The following TRABD2B variants were observed in gnomAD, a reference collection of about 807,000 sequenced individuals.
The protein encoded by TRABD2B is TraB domain containing 2B.
A neutral mutation model predicts 40.1 loss-of-function variants in TRABD2B; 14 were observed. The ratio of observed to expected loss-of-function variants is 0.35; its 90% CI spans 0.23 to 0.55. TRABD2B has a LOEUF of 0.55. Among genes scored for constraint, TRABD2B ranks in the 20% least tolerant of loss-of-function variants. The pLI is 0.90. For synonymous variants in TRABD2B, 263 were observed against 277.0 expected, an observed-to-expected ratio of 0.95 and a Z score of 0.50; for missense variants, 541 against 648.6, an observed-to-expected ratio of 0.83 and a Z score of 1.80.
chr1:47,798,174 G>A (rs924559349), intron 3 of TRABD2B, among the ~76,000 whole-genome samples: 2 of 152,162 alleles, frequency 1.3e-5, no homozygotes, highest in Admixed American at 6.5e-5. Context: ...ATGGATATGC[G>A]CTTTGAGAGG....
At chr1:47,856,555 G>C (rs1643892215) in intron 2 of TRABD2B, among the ~76,000 whole-genome samples, 1 of 152,198 alleles carries the variant, frequency 6.6e-6, no homozygotes, top group South Asian at 2.1e-4. Context: ...GACCAGCTTT[G>C]CCATCGTAGG....
chr1:47,799,965 G>A (rs558682280), intron 3 of TRABD2B, among the ~76,000 whole-genome samples: 12 of 152,232 alleles, frequency 7.9e-5, no homozygotes, highest in African/African-American at 2.6e-4. Flanking sequence ...GTGACTGTAA[G>A]CCCCTTTTCA....
chr1:47,821,138 C>T (rs548928638), intron 2 of TRABD2B, among the ~76,000 whole-genome samples: 2 of 152,304 alleles, frequency 1.3e-5, no homozygotes, highest in South Asian at 4.1e-4. Context: ...CTGTTTCTCC[C>T]AGTAGTGTTC....
At chr1:47,872,320 T>C (rs1557627136) in intron 2 of TRABD2B, among the ~76,000 whole-genome samples, 1 of 152,184 alleles carries the variant, frequency 6.6e-6, no homozygotes, top group Non-Finnish European at 1.5e-5. Context: ...TCAGATGACC[T>C]TGAGCAGGCT....
intron 2 of TRABD2B, among the ~76,000 whole-genome samples, chr1:47,922,323 C>G (rs1644913957): frequency 6.6e-6 from 1 of 152,194 alleles, no homozygotes; most frequent in Admixed American, 6.5e-5. Flanking sequence ...AAGAGCACGA[C>G]TGAGTGGGTG....
In TRABD2B at chr1:47,950,332, T is replaced by C. The variant is rs1645324704; in HGVS notation, c.666+43702A>G. The stretch of plus-strand genomic sequence containing the variant: ...AAAAAGAAAGAAGAGAGAGGTAAGG[T>C]GTTCAGAAGCATGGGCAGCAGGAAA... On this transcript the variant is annotated intron_variant, in intron 2 of 6. Transcript: ENST00000606738. 2.0e-5 allele frequency among the ~76,000 whole-genome samples: 3 copies of C among 151,446 alleles called. No homozygotes were observed. The South Asian group carries it at 6.3e-4, about 32-fold the overall frequency.
chr1:47,830,619 C>T (rs1426736321), intron 2 of TRABD2B, among the ~76,000 whole-genome samples: 1 of 152,192 alleles, frequency 6.6e-6, no homozygotes, highest in Non-Finnish European at 1.5e-5. Flanking sequence ...GTACAAAGCT[C>T]TAGTCAGACA....
chr1:47,993,452 T>G (rs1024203403), intron 2 of TRABD2B, among the ~76,000 whole-genome samples: 2 of 152,218 alleles, frequency 1.3e-5, no homozygotes, highest in African/African-American at 4.8e-5. Context: ...AAAACTCTCC[T>G]GGCTGACTTT....
At chr1:47,843,913 A>T (rs572789445) in intron 2 of TRABD2B, among the ~76,000 whole-genome samples, 2 of 152,252 alleles carry the variant, frequency 1.3e-5, no homozygotes, top group East Asian at 3.9e-4. Flanking sequence ...TCTTTTTGGA[A>T]ATGGAATGGC....
chr1:47,955,619 T>C (rs1570361108), intron 2 of TRABD2B, among the ~76,000 whole-genome samples: 1 of 152,146 alleles, frequency 6.6e-6, no homozygotes. Flanking sequence ...GAATCTCCCC[T>C]TGATTCCTTC....
At chr1:47,846,964 T>C (rs551826011) in intron 2 of TRABD2B, among the ~76,000 whole-genome samples, 18 of 151,494 alleles carry the variant, frequency 1.2e-4, no homozygotes, top group Admixed American at 9.9e-4. Flanking sequence ...CTGCGGGAGA[T>C]AGGAGTGTCC....
At position 47,997,267 on chromosome 1, in the gene TRABD2B, G is replaced by C. The variant is rs1313863761; in HGVS notation, c.-478C>G. The C allele has an allele frequency of 3.6e-5, 35 of 972,146 alleles. No homozygotes were observed. The South Asian group carries it at 1.5e-3, about 42-fold the overall frequency. The allele number at this position is 972,146 out of a possible 1,614,324, so 60.2% of individuals were successfully genotyped here. On this transcript the variant is annotated 5_prime_UTR_variant, in exon 1 of 7. Transcript: ENST00000606738. ...TGCGGCGGAAGGCGCGGCAGGGGTG[G>C]GGGGCGGCTCTGGGGCGACCGGCTG...
intron 2 of TRABD2B, among the ~76,000 whole-genome samples, chr1:47,943,643 C>T (rs538864979): frequency 6.6e-6 from 1 of 152,228 alleles, no homozygotes; most frequent in South Asian, 2.1e-4. Flanking sequence ...TGTGCTGGCA[C>T]CACAAGAGGA....
intron 2 of TRABD2B, among the ~76,000 whole-genome samples, chr1:47,868,226 T>C (rs1394482932): frequency 6.6e-6 from 1 of 152,230 alleles, no homozygotes; most frequent in Non-Finnish European, 1.5e-5. Flanking sequence ...ACATGCTTTA[T>C]GAAGCCAAGG....
intron 2 of TRABD2B, among the ~76,000 whole-genome samples, chr1:47,875,067 C>A (rs1644204455): frequency 6.6e-6 from 1 of 151,986 alleles, no homozygotes; most frequent in Admixed American, 6.6e-5. Flanking sequence ...TCACCCAGGA[C>A]TCTATATGGG....
intron 2 of TRABD2B, among the ~76,000 whole-genome samples, chr1:47,867,721 A>C (rs1378745754): frequency 1.3e-5 from 2 of 152,218 alleles, no homozygotes; most frequent in African/African-American, 4.8e-5. Flanking sequence ...AGAAAAAAAA[A>C]TGATGCACTC....
intron 2 of TRABD2B, among the ~76,000 whole-genome samples, chr1:47,972,640 C>T (rs938314923): frequency 2.6e-5 from 4 of 152,196 alleles, no homozygotes; most frequent in Non-Finnish European, 5.9e-5. Flanking sequence ...CTTCCAGCCT[C>T]TAGAACTGTG....
chr1:47,793,285 G>T (rs1314014647), intron 4 of TRABD2B, among the ~76,000 whole-genome samples: 1 of 152,188 alleles, frequency 6.6e-6, no homozygotes, highest in Non-Finnish European at 1.5e-5. Flanking sequence ...GATCCTGCAT[G>T]AACCCAGAAC....
intron 2 of TRABD2B, among the ~76,000 whole-genome samples, chr1:47,816,778 A>C (rs1483879979): frequency 6.6e-6 from 1 of 152,240 alleles, no homozygotes; most frequent in Admixed American, 6.5e-5. Flanking sequence ...GAGTATGTGA[A>C]GTTTGTCACA....
Sources: gnomAD v4.1 joint callset for allele counts (sites outside exome capture counted in the v4.1 genomes callset) on GRCh38, gnomAD v4.1.1 for gene constraint, MANE v1.5 for transcripts, NCBI Gene and HGNC (gene_info 2026-07-23, HGNC 2026-07-21) for gene names.